Variants in LRRTM3 observed in about 807,000 individuals in gnomAD.
LRRTM3 encodes the protein leucine rich repeat transmembrane neuronal 3, also known as leucine-rich repeat transmembrane neuronal protein 3.
Under a neutral mutation model 44.7 loss-of-function variants are expected in LRRTM3, and 24 were observed. The observed-to-expected ratio is 0.54, with a 90% CI of 0.39 to 0.76. The LOEUF is 0.76. Ranked by LOEUF, LRRTM3 falls within the 30% of genes least tolerant of loss-of-function variation. The pLI is 0.00. For synonymous variants in LRRTM3, 277 were observed against 278.7 expected (o/e 0.99, Z 0.06); for missense variants, 587 against 702.2 (o/e 0.84, Z 1.85).
intron 2 of LRRTM3, among the ~76,000 whole-genome samples, chr10:67,079,032 C>T (rs181910140): frequency 6.6e-6 from 1 of 152,202 alleles, no homozygotes; most frequent in African/African-American, 2.4e-5. Flanking sequence ...ACTCTTAATC[C>T]ACTTCAACTA....
At chr10:67,019,638 G>A (rs1471989463) in intron 2 of LRRTM3, among the ~76,000 whole-genome samples, 1 of 152,226 alleles carries the variant, frequency 6.6e-6, no homozygotes, top group African/African-American at 2.4e-5. Context: ...GTTACACAGT[G>A]TGAGTCATTG....
intron 2 of LRRTM3, among the ~76,000 whole-genome samples, chr10:67,039,156 A>C (rs1205409292): frequency 6.6e-6 from 1 of 152,118 alleles, no homozygotes; most frequent in Non-Finnish European, 1.5e-5. Context: ...ACCATAAGCT[A>C]TACTGTTACC....
At position 66,928,419 on chromosome 10, in the gene LRRTM3, C is replaced by A; in HGVS notation, c.1503C>A (p.Cys501Ter). Residue 501 changes from cysteine to a stop codon, truncating the protein, a stop_gained, in exon 2 of 3, where the codon TGC (cysteine) becomes TGA (stop). Coordinates refer to ENST00000361320, the MANE Select transcript of LRRTM3 (RefSeq NM_178011.5). LOFTEE classifies it high-confidence loss of function. Reference sequence around the variant, plus strand: ...TGCTGCTGAATGGGACGGGACCCTGCACCTATAACAAATCGGGCTCCAGGG... The same window carrying A: ...TGCTGCTGAATGGGACGGGACCCTGAACCTATAACAAATCGGGCTCCAGGG... ...SEMLLNGTGP[C>*]TYNKSGSREC... 2 of 1,611,112 alleles carry A rather than the reference C, an allele frequency of 1.2e-6. No homozygotes were observed. Among genetic ancestry groups the A allele is most frequent in the Non-Finnish European group, 1.7e-6 (2 of 1,179,026 alleles).
At chr10:66,928,549 C>G (rs977644691) in intron 2 of LRRTM3, 97 bp downstream of exon 2, 10 of 1,106,878 alleles carry the variant, frequency 9.0e-6, no homozygotes, top group Non-Finnish European at 1.3e-5. Context: ...GATGCCCCCC[C>G]TCCCCTTCCC....
chr10:67,074,319 C>A (rs1290058414), intron 2 of LRRTM3, among the ~76,000 whole-genome samples: 1 of 148,116 alleles, frequency 6.8e-6, no homozygotes, highest in Non-Finnish European at 1.5e-5. Flanking sequence ...CATGAGCCAC[C>A]GTGCCCAGCT....
At chr10:67,024,479 T>C (rs906583083) in intron 2 of LRRTM3, among the ~76,000 whole-genome samples, 5 of 152,186 alleles carry the variant, frequency 3.3e-5, no homozygotes, top group African/African-American at 1.2e-4. Context: ...CAGGTTCTGG[T>C]GATTAGGAAG....
At chr10:66,999,489 T>C (rs1851556828) in intron 2 of LRRTM3, among the ~76,000 whole-genome samples, 1 of 151,134 alleles carries the variant, frequency 6.6e-6, no homozygotes, top group African/African-American at 2.4e-5. Flanking sequence ...CAGAACATGA[T>C]TATGCCATAA....
intron 2 of LRRTM3, among the ~76,000 whole-genome samples, chr10:66,974,491 A>G (rs1263760129): frequency 6.6e-6 from 1 of 152,172 alleles, no homozygotes; most frequent in Admixed American, 6.6e-5. Context: ...ATTCGCCAGC[A>G]TATGTTTTTA....
At chr10:66,933,314 T>G (rs1036891842) in intron 2 of LRRTM3, among the ~76,000 whole-genome samples, 4 of 152,216 alleles carry the variant, frequency 2.6e-5, no homozygotes, top group African/African-American at 9.6e-5. Context: ...ATTATCACAA[T>G]GTACAACAGA....
chr10:67,069,592 T>G (rs1398299623), intron 2 of LRRTM3, among the ~76,000 whole-genome samples: 2 of 14,190 alleles, frequency 1.4e-4, no homozygotes, highest in East Asian at 3.4e-3. Flanking sequence ...ACCCAGTCCC[T>G]GCCCAGAGTA....
chr10:66,935,897 A>C (rs1228925409), intron 2 of LRRTM3, among the ~76,000 whole-genome samples: 1 of 152,026 alleles, frequency 6.6e-6, no homozygotes, highest in East Asian at 1.9e-4. Context: ...AAAATAATTT[A>C]TACCCCACCC....
At chr10:67,043,646 AAC>A (rs1317236327) in intron 2 of LRRTM3, among the ~76,000 whole-genome samples, 2 of 152,080 alleles carry the variant, frequency 1.3e-5, no homozygotes, top group African/African-American at 2.4e-5. Flanking sequence ...AAGAACAGTT[AAC>A]ACCAATTCTT....
chr10:66,931,408 A>G (rs1847383900), intron 2 of LRRTM3, among the ~76,000 whole-genome samples: 2 of 152,190 alleles, frequency 1.3e-5, no homozygotes, highest in Admixed American at 6.5e-5. Flanking sequence ...TGCAAGATAT[A>G]TTGCATTGAA....
rs10997453 is a variant in LRRTM3, at chr10:66,960,988, A to C, written c.1536+32536A>C. Among the ~76,000 whole-genome samples, 1,139 of 152,258 alleles carry C rather than the reference A, an allele frequency of 7.5e-3. 16 individuals carry two copies. Among genetic ancestry groups the C allele is most frequent in the African/African-American group, 0.026 (1,086 of 41,568 alleles). On this transcript the variant is annotated intron_variant, in intron 2 of 2. Transcript: ENST00000361320. ...TGAGAACAATGTTTTTAAATGCATA[A>C]ATAAAAATATAGGACTATAAATAAC...
At chr10:67,014,585 T>A (rs934495341) in intron 2 of LRRTM3, among the ~76,000 whole-genome samples, 7 of 152,132 alleles carry the variant, frequency 4.6e-5, no homozygotes, top group Admixed American at 2.0e-4. Context: ...TTATAATGTA[T>A]TTGCCAAAGA....
In LRRTM3 at chr10:66,927,272, A is replaced by G. The variant is rs769772215; in HGVS notation, c.356A>G (p.Asn119Ser). ...CTCAAAGAGCTGATTCTTAGTTCCA[A>G]TAGAATCTCCTATTTTCTTAACAAT... ...RRLKELILSSNRISYFLNNTF... is the reference protein window; with the variant it reads ...RRLKELILSSSRISYFLNNTF... The change falls in exon 2 of 3, where the codon AAT becomes AGT. Residue 119 changes from asparagine (N) to serine (S), a missense_variant. Transcript: ENST00000361320. This position sits in a 1 kb window ranked among gnomAD's most constrained non-coding sequence, Gnocchi z 4.7. The G allele has an allele frequency of 1.9e-6, 3 of 1,614,040 alleles. No individual in the cohort carries two copies. Among genetic ancestry groups the G allele is most frequent in the Non-Finnish European group, 2.5e-6 (3 of 1,179,966 alleles).
chr10:67,015,465 C>T (rs1852598021), intron 2 of LRRTM3: 1 of 152,138 alleles, frequency 6.6e-6, no homozygotes, highest in African/African-American at 2.4e-5. Context: ...CATACTTCCC[C>T]TCCTTCAGAA....
chr10:66,940,769 C>T (rs1045238854), intron 2 of LRRTM3, among the ~76,000 whole-genome samples: 1 of 151,970 alleles, frequency 6.6e-6, no homozygotes, highest in Non-Finnish European at 1.5e-5. Flanking sequence ...CACAGTAGCC[C>T]ACTGACTGGT....
chr10:67,063,024 C>T (rs1855854545), intron 2 of LRRTM3, among the ~76,000 whole-genome samples: 1 of 151,992 alleles, frequency 6.6e-6, no homozygotes, highest in South Asian at 2.1e-4. Context: ...ATGTAAGCAC[C>T]TAATTTCCTA....
Sources: gnomAD v4.1 joint callset for allele counts (sites outside exome capture counted in the v4.1 genomes callset) on GRCh38, gnomAD v4.1.1 for gene constraint, Gnocchi (gnomAD v3.1) non-coding constraint, MANE v1.5 for transcripts, NCBI Gene and HGNC (gene_info 2026-07-23, HGNC 2026-07-21) for gene names.